Variants in EPYC observed in about 807,000 individuals in gnomAD.
EPYC encodes the protein epiphycan, also known as dermatan sulfate proteoglycan 3.
In EPYC, 28 loss-of-function variants were observed where a neutral mutation model predicts 30.1. The ratio of observed to expected loss-of-function variants is 0.93; its 90% CI spans 0.69 to 1.28. The LOEUF (loss-of-function observed/expected upper bound fraction) is 1.28. EPYC is among the 50% of genes most tolerant of loss of function. The pLI is 0.00. For missense variants in EPYC, 382 were observed against 383.5 expected (o/e 1.00, Z 0.03); for synonymous variants, 144 against 141.4 (o/e 1.02, Z -0.13).
chr12:90,979,887 A>G (rs898289367), intron 2 of EPYC, among the ~76,000 whole-genome samples: 1 of 152,196 alleles, frequency 6.6e-6, no homozygotes, highest in Admixed American at 6.6e-5. Context: ...AAATCAGTGA[A>G]TGTGCTAATA....
At chr12:90,992,322 T>C (rs1439028617) in intron 2 of EPYC, among the ~76,000 whole-genome samples, 2 of 152,138 alleles carry the variant, frequency 1.3e-5, no homozygotes, top group African/African-American at 2.4e-5. Context: ...CACAGCTTGT[T>C]AAGAACTGCA....
At chr12:90,969,561 A>G (rs1369938882) in intron 6 of EPYC, among the ~76,000 whole-genome samples, 1 of 150,992 alleles carries the variant, frequency 6.6e-6, no homozygotes, top group East Asian at 1.9e-4. Flanking sequence ...ATCCAGAGAG[A>G]TGGAGCTTGC....
At chr12:90,994,411 A>G (rs1315386830) in intron 2 of EPYC, among the ~76,000 whole-genome samples, 3 of 152,212 alleles carry the variant, frequency 2.0e-5, no homozygotes, top group Non-Finnish European at 4.4e-5. Context: ...TCTTCTAAAT[A>G]GAAAACTGAG....
At chr12:91,001,860 A>C (rs1371744390) in intron 2 of EPYC, among the ~76,000 whole-genome samples, 1 of 151,946 alleles carries the variant, frequency 6.6e-6, no homozygotes, top group East Asian at 1.9e-4. Context: ...TCAATTTGGC[A>C]ATAAAATTTG....
At position 90,974,921 on chromosome 12, in the gene EPYC, T is replaced by C. The variant is rs533818511; in HGVS notation, c.341-1941A>G. 7.1e-4 allele frequency among the ~76,000 whole-genome samples: 108 copies of C among 152,196 alleles called. 1 individual carries two copies. The Middle Eastern group carries it at 0.014, about 19-fold the overall frequency. ...GAAATGTCCTGAAATTTCTCAGTGATCAATTTGTCTTAGTTTACCTGAGAC... is the reference window on the plus strand; with the variant it reads ...GAAATGTCCTGAAATTTCTCAGTGACCAATTTGTCTTAGTTTACCTGAGAC... On this transcript the variant is annotated intron_variant, in intron 3 of 6. Transcript: ENST00000261172.
At position 90,978,169 on chromosome 12, in the gene EPYC, C is replaced by T. The variant is rs1691215173; in HGVS notation, c.259G>A (p.Glu87Lys). 2 of 1,606,530 alleles carry T rather than the reference C, an allele frequency of 1.2e-6. No homozygotes were observed. The highest frequency in any genetic ancestry group is 3.4e-5 in the Admixed American group (2 of 59,068). Residue 87 changes from glutamate (E) to lysine (K), a missense_variant, in exon 3 of 7, where the codon GAA becomes AAA. By Grantham distance (56) the Glu-to-Lys change is moderately conservative. Coordinates refer to ENST00000261172, the MANE Select transcript of EPYC (RefSeq NM_004950.5). ...CCATCAATCAGCCTGGGAGTAGATT[C>T]CTCCTCCTCTTCCTCTTCCTGGGCC... ...EKAQEEEEEEESTPRLIDGSS... is the reference protein window; with the variant it reads ...EKAQEEEEEEKSTPRLIDGSS...
chr12:91,002,413 A>G lies in EPYC; in HGVS notation c.153T>C (p.Val51=). ...GAGGATCGATTACCTCAACTTTATCAACAGGTATGTTTTCATAGTTGTACA... is the reference window on the plus strand; with the variant it reads ...GAGGATCGATTACCTCAACTTTATCGACAGGTATGTTTTCATAGTTGTACA... ...DNLYNYENIP[V]DKVEIEIATV... The change falls in exon 2 of 7, where the codon GTT becomes GTC. Residue 51 remains valine (V), a synonymous_variant. Coordinates refer to ENST00000261172, the MANE Select transcript of EPYC (RefSeq NM_004950.5). 6.2e-7 allele frequency: 1 copy of G among 1,611,706 alleles called. No individual in the cohort carries two copies. The highest frequency in any genetic ancestry group is 8.5e-7 in the Non-Finnish European group (1 of 1,179,086).
chr12:90,970,883 A>G (rs541010747), intron 5 of EPYC, among the ~76,000 whole-genome samples: 50 of 152,292 alleles, frequency 3.3e-4, no homozygotes, highest in African/African-American at 1.2e-3. Flanking sequence ...TTACAATTAC[A>G]TGTTCAGTGT....
intron 6 of EPYC, among the ~76,000 whole-genome samples, chr12:90,968,395 T>G (rs1227564731): frequency 2.0e-5 from 3 of 152,220 alleles, no homozygotes; most frequent in East Asian, 1.9e-4. Flanking sequence ...CAGATAGTTT[T>G]GGGTCTAGAA....
intron 2 of EPYC, among the ~76,000 whole-genome samples, chr12:90,984,898 T>C (rs1471294865): frequency 6.6e-6 from 1 of 152,166 alleles, no homozygotes; most frequent in Non-Finnish European, 1.5e-5. Context: ...CCCTCTCTGA[T>C]TTAAAGCAGA....
chr12:91,001,880 A>T (rs1877830334), intron 2 of EPYC, among the ~76,000 whole-genome samples: 1 of 151,978 alleles, frequency 6.6e-6, no homozygotes. Context: ...GAAGGAAATA[A>T]CATGAGCTTT....
chr12:90,969,758 G>T (rs1876990275), intron 6 of EPYC, among the ~76,000 whole-genome samples: 3 of 151,352 alleles, frequency 2.0e-5, no homozygotes, highest in Admixed American at 6.6e-5. Context: ...ACTTTCAGTG[G>T]TTTTTTTTCT....
intron 2 of EPYC, among the ~76,000 whole-genome samples, chr12:91,001,512 C>T (rs1352436835): frequency 6.6e-6 from 1 of 152,032 alleles, no homozygotes; most frequent in African/African-American, 2.4e-5. Context: ...TAAAGATTAG[C>T]CTGTATCCTT....
At chr12:90,979,179 A>T (rs1877268174) in intron 2 of EPYC, among the ~76,000 whole-genome samples, 1 of 152,042 alleles carries the variant, frequency 6.6e-6, no homozygotes, top group African/African-American at 2.4e-5. Context: ...TACTTAGTAA[A>T]TGTCTACTTC....
chr12:90,976,905 A>G (rs1342561580), intron 3 of EPYC, among the ~76,000 whole-genome samples: 2 of 152,144 alleles, frequency 1.3e-5, no homozygotes, highest in Non-Finnish European at 2.9e-5. Flanking sequence ...GCTGCCATGT[A>G]AGATACGCCT....
chr12:90,974,072 A>ACACACACACACACC (rs71094701), intron 3 of EPYC, among the ~76,000 whole-genome samples: 4 of 144,114 alleles, frequency 2.8e-5, no homozygotes, highest in Non-Finnish European at 4.5e-5. Context: ...ACACACACAC[A>ACACACACACACACC]CCCCTACCTC....
chr12:90,974,190 A>C (rs1439939749), intron 3 of EPYC, among the ~76,000 whole-genome samples: 2 of 152,086 alleles, frequency 1.3e-5, no homozygotes, highest in Non-Finnish European at 2.9e-5. Flanking sequence ...AGGATAGGGC[A>C]ATGTCATGGA....
intron 2 of EPYC, among the ~76,000 whole-genome samples, chr12:90,999,029 C>G (rs1323960785): frequency 1.3e-5 from 2 of 152,094 alleles, no homozygotes; most frequent in Non-Finnish European, 2.9e-5. Context: ...GTTCACTTTG[C>G]TTTGAATCTC....
At position 90,964,241 on chromosome 12, in the gene EPYC, C is replaced by T. The variant is rs763496574; in HGVS notation, c.884G>A (p.Arg295Gln). The change falls in exon 7 of 7, where the codon CGA (arginine) becomes CAA (glutamine). Residue 295 changes from arginine (R) to glutamine (Q), a missense_variant. Arg to Gln is a conservative substitution (Grantham distance 43, BLOSUM62 1). Coordinates refer to ENST00000261172, the MANE Select transcript of EPYC (RefSeq NM_004950.5). ...TYIRKALEDI[R>Q]LDGNPINLSK... ...GAGATTAATAGGGTTTCCATCCAATCGAATGTCCTCTAGTGCCTTACGAAT... is the reference window on the plus strand; with the variant it reads ...GAGATTAATAGGGTTTCCATCCAATTGAATGTCCTCTAGTGCCTTACGAAT... 8.1e-6 allele frequency: 13 copies of T among 1,613,390 alleles called. No individual in the cohort carries two copies. The highest frequency in any genetic ancestry group is 1.6e-4 in the Middle Eastern group (1 of 6,082).
Sources: allele counts gnomAD v4.1 joint callset (sites outside exome capture counted in the v4.1 genomes callset), GRCh38; gene constraint gnomAD v4.1.1; transcripts MANE v1.5; gene names NCBI Gene and HGNC (gene_info 2026-07-23, HGNC 2026-07-21).